FRMD6: variants seen among roughly 807,000 people sequenced by gnomAD.
The protein encoded by FRMD6 is FERM domain-containing protein 6.
FRMD6 carries 37 observed loss-of-function variants against 73.2 expected under a neutral mutation model. The observed-to-expected ratio is 0.51, with a 90% confidence interval of 0.39 to 0.66. FRMD6 has a LOEUF of 0.66. FRMD6 is among the 30% of genes least tolerant of loss of function. FRMD6 has a pLI of 0.00. For synonymous variants in FRMD6, 273 were observed against 282.2 expected (o/e 0.97, Z 0.33); for missense variants, 714 against 780.5 (o/e 0.91, Z 1.02).
the FRMD6 span, among the ~76,000 whole-genome samples, chr14:51,452,306 T>TAG: frequency 6.6e-6 from 1 of 152,188 alleles, no homozygotes. Flanking sequence ...GGATGGTGGC[T>TAG]AGAGAGACCA....
chr14:51,585,211 T>C (rs1451108620), intron 2 of FRMD6, among the ~76,000 whole-genome samples: 1 of 152,144 alleles, frequency 6.6e-6, no homozygotes, highest in Non-Finnish European at 1.5e-5. Flanking sequence ...TAGAAGCTCC[T>C]CCTGTTTCTC....
At chr14:51,475,222 G>A in the FRMD6 span, among the ~76,000 whole-genome samples, 1 of 152,112 alleles carries the variant, frequency 6.6e-6, no homozygotes, top group Non-Finnish European at 1.5e-5. Flanking sequence ...AGGAGACTAT[G>A]CCATTTATTT....
intron 13 of FRMD6, among the ~76,000 whole-genome samples, chr14:51,727,509 T>A (rs1898041289): frequency 6.6e-6 from 1 of 152,196 alleles, no homozygotes; most frequent in Admixed American, 6.5e-5. Context: ...ATGCCGAGTA[T>A]TTAGGTCAGG....
intron 2 of FRMD6, among the ~76,000 whole-genome samples, chr14:51,611,060 T>G (rs1257889583): frequency 2.6e-5 from 4 of 152,158 alleles, no homozygotes; most frequent in African/African-American, 9.7e-5. Flanking sequence ...GAGTAATCTT[T>G]CTATTGCTTC....
chr14:51,603,099 C>A (rs1370070539), intron 2 of FRMD6, among the ~76,000 whole-genome samples: 1 of 152,186 alleles, frequency 6.6e-6, no homozygotes, highest in Non-Finnish European at 1.5e-5. Context: ...CTCCAGAGAG[C>A]CAGCCAGCTC....
intron 2 of FRMD6, among the ~76,000 whole-genome samples, chr14:51,636,213 T>C (rs943544861): frequency 1.3e-5 from 2 of 152,170 alleles, no homozygotes; most frequent in Admixed American, 6.5e-5. Context: ...ATGATTCAGA[T>C]GGGATGTGAA....
At chr14:51,647,423 T>C (rs1019085516), upstream of FRMD6, among the ~76,000 whole-genome samples, 2 of 152,238 alleles carry the variant, frequency 1.3e-5, no homozygotes, top group Non-Finnish European at 2.9e-5. Context: ...TTGGGTACTT[T>C]ATTTTACTAG....
chr14:51,606,123 G>A (rs116769294), intron 2 of FRMD6, among the ~76,000 whole-genome samples: 5 of 152,138 alleles, frequency 3.3e-5, no homozygotes, highest in Admixed American at 1.3e-4. Flanking sequence ...GAAGTTCTAG[G>A]GGGGTGGGTG....
upstream of FRMD6, among the ~76,000 whole-genome samples, chr14:51,486,750 G>A (rs756603846): frequency 1.3e-5 from 2 of 152,142 alleles, no homozygotes; most frequent in Non-Finnish European, 1.5e-5. Flanking sequence ...TTGTCCTTAT[G>A]TGGAAGATGC....
chr14:51,471,038 A>G, the FRMD6 span, among the ~76,000 whole-genome samples: 1 of 152,184 alleles, frequency 6.6e-6, no homozygotes, highest in African/African-American at 2.4e-5. Context: ...TTCAGTATTT[A>G]TGTAGATGTT....
At chr14:51,419,133 C>T in the FRMD6 span, among the ~76,000 whole-genome samples, 2 of 152,190 alleles carry the variant, frequency 1.3e-5, no homozygotes, top group African/African-American at 4.8e-5. Context: ...CCTTACGCTT[C>T]CTGTGTGAGG....
chr14:51,483,261 CAAACA>C, the FRMD6 span, among the ~76,000 whole-genome samples: 1 of 152,154 alleles, frequency 6.6e-6, no homozygotes, highest in Non-Finnish European at 1.5e-5. Flanking sequence ...GATGCAATAA[CAAACA>C]AGAGAGTTGA....
the FRMD6 span, among the ~76,000 whole-genome samples, chr14:51,458,464 T>C: frequency 8.1e-4 from 124 of 152,320 alleles, no homozygotes; most frequent in African/African-American, 2.8e-3. Context: ...AGGGTTTTTG[T>C]TGTGTTTTAA....
At chr14:51,418,820 T>A in the FRMD6 span, among the ~76,000 whole-genome samples, 1 of 152,244 alleles carries the variant, frequency 6.6e-6, no homozygotes, top group Admixed American at 6.5e-5. Context: ...TGCTGAGCTG[T>A]GGTGGGGTCC....
chr14:51,549,846 C>T (rs946778916), intron 1 of FRMD6, among the ~76,000 whole-genome samples: 2 of 152,140 alleles, frequency 1.3e-5, no homozygotes, highest in African/African-American at 4.8e-5. Context: ...CCGCCCGCCT[C>T]GGCCTCCCAA....
At chr14:51,612,438 T>C (rs1478331019) in intron 2 of FRMD6, among the ~76,000 whole-genome samples, 1 of 152,228 alleles carries the variant, frequency 6.6e-6, no homozygotes, top group Non-Finnish European at 1.5e-5. Flanking sequence ...AAGGGAAAGA[T>C]GCCTAGGCCA....
intron 2 of FRMD6, among the ~76,000 whole-genome samples, chr14:51,625,781 C>A (rs1891092095): frequency 6.6e-6 from 1 of 152,180 alleles, no homozygotes; most frequent in Non-Finnish European, 1.5e-5. Context: ...GATCTCACAT[C>A]ATTTGAGGAA....
At chr14:51,639,299 G>T (rs193070563) in intron 2 of FRMD6, among the ~76,000 whole-genome samples, 3 of 152,110 alleles carry the variant, frequency 2.0e-5, no homozygotes, top group South Asian at 4.2e-4. Context: ...GCCGGGCGTC[G>T]TGGCAGGCGC....
At chr14:51,604,979 G>A (rs1890190849) in intron 2 of FRMD6, among the ~76,000 whole-genome samples, 2 of 152,122 alleles carry the variant, frequency 1.3e-5, no homozygotes, top group Non-Finnish European at 2.9e-5. Flanking sequence ...GCCTATGCGA[G>A]CTGTGATCTC....
Sources: allele counts gnomAD v4.1 joint callset (sites outside exome capture counted in the v4.1 genomes callset), GRCh38; gene constraint gnomAD v4.1.1; transcripts MANE v1.5; gene names NCBI Gene and HGNC (gene_info 2026-07-23, HGNC 2026-07-21).